Variants in FAM168A observed in about 807,000 individuals in gnomAD.
The protein encoded by FAM168A is family with sequence similarity 168 member A, also known as protein FAM168A.
FAM168A carries 3 observed loss-of-function variants against 28.5 expected under a neutral mutation model. The observed-to-expected ratio is 0.11, with a 90% CI of 0.05 to 0.27. The LOEUF (loss-of-function observed/expected upper bound fraction) is 0.27. Among genes scored for constraint, FAM168A ranks in the 10% least tolerant of loss-of-function variants. FAM168A has a pLI of 1.00. For synonymous variants in FAM168A, 122 were observed against 124.2 expected (o/e 0.98, Z 0.12); for missense variants, 222 against 311.5 (o/e 0.71, Z 2.16).
At chr11:73,462,248 A>T (rs55940558) in intron 2 of FAM168A, among the ~76,000 whole-genome samples, 1 of 152,180 alleles carries the variant, frequency 6.6e-6, no homozygotes, top group African/African-American at 2.4e-5. Context: ...CGGCATATAC[A>T]TAAAACAGAA....
intron 4 of FAM168A, among the ~76,000 whole-genome samples, chr11:73,417,969 T>G (rs534450488): frequency 6.6e-6 from 1 of 152,290 alleles, no homozygotes; most frequent in South Asian, 2.1e-4. Flanking sequence ...CTGGGTGGCG[T>G]TGGACCTATT....
At chr11:73,415,635 G>A (rs1357661455) in intron 4 of FAM168A, among the ~76,000 whole-genome samples, 1 of 152,226 alleles carries the variant, frequency 6.6e-6, no homozygotes, top group African/African-American at 2.4e-5. Flanking sequence ...TAGTGGTCCT[G>A]TCAATACTCT....
At chr11:73,436,265 A>G (rs2134520351) in intron 2 of FAM168A, among the ~76,000 whole-genome samples, 2 of 152,330 alleles carry the variant, frequency 1.3e-5, no homozygotes, top group South Asian at 4.1e-4. Context: ...TTTGATTAAT[A>G]TGGAAATTAG....
chr11:73,535,127 C>T (rs1943561248), intron 1 of FAM168A, among the ~76,000 whole-genome samples: 1 of 152,158 alleles, frequency 6.6e-6, no homozygotes, highest in African/African-American at 2.4e-5. Flanking sequence ...GAGAAGTCCA[C>T]ACTCAGTAAG....
At chr11:73,428,405 C>A (rs747406454) in intron 3 of FAM168A, among the ~76,000 whole-genome samples, 3 of 152,228 alleles carry the variant, frequency 2.0e-5, no homozygotes, top group Non-Finnish European at 4.4e-5. Flanking sequence ...GCTAAATCTA[C>A]TTCTTCACTC....
intron 1 of FAM168A, among the ~76,000 whole-genome samples, chr11:73,575,282 G>A (rs1269193330): frequency 6.6e-6 from 1 of 152,150 alleles, no homozygotes; most frequent in Non-Finnish European, 1.5e-5. Context: ...TGTTACTGCT[G>A]TAAAACAAGA....
intron 1 of FAM168A, among the ~76,000 whole-genome samples, chr11:73,488,564 C>T (rs1198330767): frequency 6.6e-6 from 1 of 152,198 alleles, no homozygotes; most frequent in East Asian, 1.9e-4. Context: ...GAAAATTAAT[C>T]ATCGAAAAGA....
chr11:73,545,013 T>TA (rs1565291947), intron 1 of FAM168A, among the ~76,000 whole-genome samples: 1 of 78,428 alleles, frequency 1.3e-5, no homozygotes, highest in Non-Finnish European at 2.1e-5. Flanking sequence ...ATATACTATA[T>TA]ATATAGTATA....
chr11:73,468,546 C>T (rs1867771011), intron 1 of FAM168A, 54 bp from the exon 2 acceptor site: 2 of 1,344,244 alleles, frequency 1.5e-6, no homozygotes, highest in Admixed American at 3.5e-5. Context: ...TTCTTCCTGA[C>T]ATCAGCTTCT....
chr11:73,466,836 T>C (rs1284761478), intron 2 of FAM168A, among the ~76,000 whole-genome samples: 4 of 151,838 alleles, frequency 2.6e-5, no homozygotes, highest in African/African-American at 4.8e-5. Flanking sequence ...TTTGGGGAGA[T>C]TTTTTAGTCT....
intron 2 of FAM168A, among the ~76,000 whole-genome samples, chr11:73,433,102 TTTTG>T: frequency 6.9e-6 from 1 of 143,938 alleles, no homozygotes; most frequent in Admixed American, 6.9e-5. Flanking sequence ...TTTTTTTTTT[TTTTG>T]TAGAGACGGG....
chr11:73,431,233 T>C (rs1866986916), intron 2 of FAM168A, among the ~76,000 whole-genome samples: 1 of 151,940 alleles, frequency 6.6e-6, no homozygotes, highest in Admixed American at 6.6e-5. Context: ...TCCCAGCTGC[T>C]ATGGGGACTG....
chr11:73,533,664 G>C (rs1456889001), intron 1 of FAM168A, among the ~76,000 whole-genome samples: 1 of 151,974 alleles, frequency 6.6e-6, no homozygotes, highest in Non-Finnish European at 1.5e-5. Context: ...ACAGTATTAG[G>C]GTATTTAGTA....
At chr11:73,413,494 G>A (rs769053919) in intron 4 of FAM168A, among the ~76,000 whole-genome samples, 20 of 152,196 alleles carry the variant, frequency 1.3e-4, no homozygotes, top group Non-Finnish European at 2.2e-4. Flanking sequence ...AGCAGATACT[G>A]TGGGGGAAGA....
At chr11:73,460,110 G>A (rs1021750990) in intron 2 of FAM168A, among the ~76,000 whole-genome samples, 28 of 151,958 alleles carry the variant, frequency 1.8e-4, no homozygotes, top group African/African-American at 2.9e-4. Context: ...TCGATCTCCC[G>A]ACCTCGTGAT....
intron 3 of FAM168A, among the ~76,000 whole-genome samples, chr11:73,425,996 C>G (rs1471734608): frequency 1.3e-5 from 2 of 152,176 alleles, no homozygotes; most frequent in Admixed American, 6.5e-5. Flanking sequence ...GGCAGCTGTT[C>G]AGAAAGCACA....
chr11:73,520,270 G>A (rs916678198), intron 1 of FAM168A, among the ~76,000 whole-genome samples: 4 of 151,616 alleles, frequency 2.6e-5, no homozygotes, highest in African/African-American at 7.3e-5. Flanking sequence ...GGATGGTCTC[G>A]ATCTCCTGAC....
At chr11:73,575,801 G>A (rs2134727564) in intron 1 of FAM168A, among the ~76,000 whole-genome samples, 1 of 152,114 alleles carries the variant, frequency 6.6e-6, no homozygotes, top group South Asian at 2.1e-4. Context: ...CCTGGGAGGT[G>A]GAGGTTGCAG....
chr11:73,579,283 A>G (rs1034550302), intron 1 of FAM168A, among the ~76,000 whole-genome samples: 12 of 152,230 alleles, frequency 7.9e-5, no homozygotes, highest in African/African-American at 2.7e-4. Context: ...CACTGAACTA[A>G]GCACTTTAGT....
Sources: allele counts gnomAD v4.1 joint callset (sites outside exome capture counted in the v4.1 genomes callset), GRCh38; gene constraint gnomAD v4.1.1; transcripts MANE v1.5; gene names NCBI Gene and HGNC (gene_info 2026-07-23, HGNC 2026-07-21).